PIK3C2G: variants seen among roughly 807,000 people sequenced by gnomAD.
The protein encoded by PIK3C2G is phosphatidylinositol-4-phosphate 3-kinase catalytic subunit type 2 gamma.
A neutral mutation model predicts 181.1 loss-of-function variants in PIK3C2G; 168 were observed. The ratio of observed to expected loss-of-function variants is 0.93; its 90% confidence interval spans 0.82 to 1.05. PIK3C2G has a LOEUF of 1.05. PIK3C2G is among the 50% of genes least tolerant of loss of function. PIK3C2G has a pLI of 0.00. For synonymous variants in PIK3C2G, 573 were observed against 592.2 expected (o/e 0.97, Z 0.47); for missense variants, 1,869 against 1,732.8 (o/e 1.08, Z -1.40).
the PIK3C2G span, chr12:18,705,393 G>A: frequency 4.6e-6 from 7 of 1,534,770 alleles, no homozygotes; most frequent in Non-Finnish European, 6.3e-6. Flanking sequence ...AGTGCTTAAT[G>A]TATTTTAAAA....
At chr12:18,270,690 A>G (rs55923333) in intron 1 of PIK3C2G, among the ~76,000 whole-genome samples, 33,171 of 152,088 alleles carry the variant, frequency 0.22, 3,891 homozygotes, top group African/African-American at 0.3. Context: ...TTATGGTTAA[A>G]AGATATAATG....
At chr12:18,282,856 T>C (rs1363989563) in intron 2 of PIK3C2G, 97 bp downstream of exon 2, 3 of 824,778 alleles carry the variant, frequency 3.6e-6, no homozygotes, top group African/African-American at 3.4e-5. Flanking sequence ...TAAACTTAAA[T>C]AGGGAAATCT....
intron 1 of PIK3C2G, among the ~76,000 whole-genome samples, chr12:18,267,907 G>A (rs962451799): frequency 2.0e-5 from 3 of 152,138 alleles, no homozygotes; most frequent in African/African-American, 4.8e-5. Flanking sequence ...CCATAGATGC[G>A]ACATTTTGCA....
chr12:18,300,189 A>T (rs1950115694), intron 5 of PIK3C2G, among the ~76,000 whole-genome samples: 1 of 151,926 alleles, frequency 6.6e-6, no homozygotes, highest in African/African-American at 2.4e-5. Context: ...GAGACTTTTT[A>T]TTACTGATTC....
the PIK3C2G span, among the ~76,000 whole-genome samples, chr12:18,700,512 CAAAAAA>C: frequency 0.013 from 872 of 67,908 alleles, 7 homozygotes; most frequent in Admixed American, 0.02. Flanking sequence ...AGCCAACGTA[CAAAAAA>C]AAAAAAAAAA....
intron 19 of PIK3C2G, 47 bp downstream of exon 19, chr12:18,488,676 CT>C (rs1940281909): frequency 1.7e-6 from 2 of 1,184,138 alleles, no homozygotes; most frequent in Admixed American, 3.7e-5. Context: ...TTAACTTTGG[CT>C]TAAATTAAGT....
intron 16 of PIK3C2G, among the ~76,000 whole-genome samples, chr12:18,408,753 T>G (rs1592183240): frequency 6.6e-6 from 1 of 152,094 alleles, no homozygotes; most frequent in Non-Finnish European, 1.5e-5. Context: ...GGTGAAGGAC[T>G]TCTCAAAAGA....
At chr12:18,554,294 C>G (rs1232712187) in intron 26 of PIK3C2G, among the ~76,000 whole-genome samples, 1 of 152,036 alleles carries the variant, frequency 6.6e-6, no homozygotes, top group Non-Finnish European at 1.5e-5. Context: ...TGTTCTTTAA[C>G]TTTAGTGTCT....
intron 26 of PIK3C2G, among the ~76,000 whole-genome samples, chr12:18,548,609 C>T (rs1944562685): frequency 6.6e-6 from 1 of 152,020 alleles, no homozygotes; most frequent in African/African-American, 2.4e-5. Flanking sequence ...AGATCTGAAG[C>T]TAGAACCTCA....
At chr12:18,674,900 G>A in the PIK3C2G span, among the ~76,000 whole-genome samples, 27 of 152,092 alleles carry the variant, frequency 1.8e-4, no homozygotes, top group Non-Finnish European at 2.8e-4. Context: ...GGTAACCTGG[G>A]GAGAGAGAGA....
chr12:18,365,230 A>G (rs1941557155), intron 12 of PIK3C2G, among the ~76,000 whole-genome samples: 1 of 152,198 alleles, frequency 6.6e-6, no homozygotes, highest in African/African-American at 2.4e-5. Context: ...AATCTTGACA[A>G]GAGTATTTAC....
chr12:18,605,800 T>C (rs1947982924), intron 30 of PIK3C2G, among the ~76,000 whole-genome samples: 1 of 152,114 alleles, frequency 6.6e-6, no homozygotes, highest in South Asian at 2.1e-4. Flanking sequence ...TTTTCTTATG[T>C]TGTAGCCGCC....
At chr12:18,695,135 A>G in the PIK3C2G span, 1 of 1,505,998 alleles carries the variant, frequency 6.6e-7, no homozygotes, top group Non-Finnish European at 9.2e-7. Flanking sequence ...AAATAAAGGA[A>G]CACAAACCAC....
At chr12:18,609,920 T>C (rs991791139) in intron 31 of PIK3C2G, among the ~76,000 whole-genome samples, 2 of 152,042 alleles carry the variant, frequency 1.3e-5, no homozygotes, top group Non-Finnish European at 2.9e-5. Flanking sequence ...AGCTGGAGGA[T>C]TGAAGGGTAA....
intron 24 of PIK3C2G, among the ~76,000 whole-genome samples, chr12:18,507,706 T>C (rs998887939): frequency 2.0e-5 from 3 of 152,178 alleles, no homozygotes; most frequent in Non-Finnish European, 4.4e-5. Context: ...ACACTGGCAA[T>C]TTGGAGTACC....
chr12:18,439,802 T>C (rs944477109), intron 18 of PIK3C2G, among the ~76,000 whole-genome samples: 1 of 152,110 alleles, frequency 6.6e-6, no homozygotes, highest in African/African-American at 2.4e-5. Flanking sequence ...AACTAAACAA[T>C]GATTTTGCAA....
downstream of PIK3C2G, among the ~76,000 whole-genome samples, chr12:18,652,891 A>G (rs1449974700): frequency 6.6e-6 from 1 of 152,014 alleles, no homozygotes; most frequent in East Asian, 1.9e-4. Context: ...GAACATATAC[A>G]TATATATGTA....
At chr12:18,710,258 A>T in the PIK3C2G span, among the ~76,000 whole-genome samples, 2 of 149,660 alleles carry the variant, frequency 1.3e-5, no homozygotes, top group Admixed American at 6.7e-5. Flanking sequence ...TAAGACTGTC[A>T]CTATTTTTTT....
intron 26 of PIK3C2G, 60 bp from the exon 27 acceptor site, chr12:18,562,643 A>C: frequency 3.0e-6 from 3 of 1,013,238 alleles, no homozygotes; most frequent in Non-Finnish European, 4.4e-6. Context: ...ACAGATCATA[A>C]ATGAAATGAG....
Sources: allele counts gnomAD v4.1 joint callset (sites outside exome capture counted in the v4.1 genomes callset), GRCh38; gene constraint gnomAD v4.1.1; transcripts MANE v1.5; gene names NCBI Gene and HGNC (gene_info 2026-07-23, HGNC 2026-07-21).